The following MTF1 variants were observed in gnomAD, a reference collection of about 807,000 sequenced individuals.
MTF1 encodes metal regulatory transcription factor 1.
MTF1 carries 22 observed loss-of-function variants against 70.4 expected under a neutral mutation model. The observed-to-expected ratio is 0.31, with a 90% confidence interval of 0.22 to 0.45. The LOEUF is 0.45. MTF1 is among the 20% of genes least tolerant of loss of function. The probability of loss-of-function intolerance (pLI) is 1.00; values close to 1 mark genes in which losing one functional copy is unlikely to be tolerated. For missense variants in MTF1, 649 were observed against 922.0 expected, an observed-to-expected ratio of 0.70 and a Z score of 3.83; for synonymous variants, 333 against 352.8, an observed-to-expected ratio of 0.94 and a Z score of 0.63.
chr1:37,828,438 A>G (rs9286096), intron 7 of MTF1, among the ~76,000 whole-genome samples: 140,863 of 152,232 alleles, frequency 0.93, 66,126 homozygotes, highest in East Asian at 1. Flanking sequence ...CCGAGTAGCT[A>G]GGATTACAGG....
At chr1:37,836,248 A>G (rs553812206) in intron 4 of MTF1, among the ~76,000 whole-genome samples, 9 of 152,186 alleles carry the variant, frequency 5.9e-5, no homozygotes, top group Non-Finnish European at 1.3e-4. Flanking sequence ...AGAGCCCAGG[A>G]TAAGTATTTC....
chr1:37,830,028 T>C (rs1010383260), intron 7 of MTF1, among the ~76,000 whole-genome samples: 1 of 152,102 alleles, frequency 6.6e-6, no homozygotes, highest in Non-Finnish European at 1.5e-5. Flanking sequence ...CTGGTGACCC[T>C]AGGGCTCCAG....
At chr1:37,825,912 A>T (rs1033086975) in intron 7 of MTF1, among the ~76,000 whole-genome samples, 1 of 152,220 alleles carries the variant, frequency 6.6e-6, no homozygotes, top group Non-Finnish European at 1.5e-5. Flanking sequence ...TAAGGCTTCC[A>T]ATCACAGTAG....
At chr1:37,831,294 C>T (rs979668259) in intron 7 of MTF1, among the ~76,000 whole-genome samples, 8 of 152,174 alleles carry the variant, frequency 5.3e-5, no homozygotes, top group African/African-American at 9.7e-5. Context: ...TCAGATGCCA[C>T]GGTCAGACAA....
rs1641239195 is a variant in MTF1 at position 37,840,473 on chromosome 1, A to G, written c.409-315T>C. Reference sequence around the variant, plus strand: ...ACACTATACTGTTACAGCTACCTGTATTCAGATAAGATCTTAACTTTGTTT... The same window carrying G: ...ACACTATACTGTTACAGCTACCTGTGTTCAGATAAGATCTTAACTTTGTTT... On this transcript the variant is annotated intron_variant, in intron 2 of 10. Coordinates refer to ENST00000373036, the MANE Select transcript of MTF1 (RefSeq NM_005955.3). This position sits in a 1 kb window ranked among gnomAD's most constrained non-coding sequence, Gnocchi z 4.5. 2.0e-6 allele frequency: 1 copy of G among 489,276 alleles called. No individual in the cohort carries two copies. The highest frequency in any genetic ancestry group is 4.0e-6 in the Non-Finnish European group (1 of 249,372). The allele number at this position is 489,276 out of a possible 1,614,324, so 30.3% of individuals were successfully genotyped here.
rs372004085 is a variant in MTF1, at chr1:37,844,543, G to A, written c.409-4385C>T. Among the ~76,000 whole-genome samples the A allele has an allele frequency of 2.6e-5, 4 of 152,160 alleles. No homozygotes were observed. The East Asian group carries it at 7.7e-4, about 29-fold the overall frequency. ...CAAGACTAAAAACCTCCTTTGTGCT[G>A]CCAGATAGAGAATTGAAAATGATCA... is the stretch of plus-strand genomic sequence containing the variant. On this transcript the variant is annotated intron_variant, in intron 2 of 10. Coordinates refer to ENST00000373036, the MANE Select transcript of MTF1 (RefSeq NM_005955.3).
rs1569861506 is a variant in MTF1 at position 37,832,125 on chromosome 1, T to C, written c.1068+120A>G. The C allele has an allele frequency of 1.2e-5, 8 of 644,576 alleles. No individual in the cohort carries two copies. The East Asian group carries it at 2.2e-4, about 18-fold the overall frequency. The allele number at this position is 644,576 out of a possible 1,614,324, so 39.9% of individuals were successfully genotyped here. A position where few individuals can be genotyped will look rare whatever the true frequency, so the allele number is the denominator to read the frequency against. On this transcript the variant is annotated intron_variant, in intron 7 of 10. Coordinates refer to ENST00000373036, the MANE Select transcript of MTF1 (RefSeq NM_005955.3). ...AGAAGAAAAAATCCTACATGGTCAG[T>C]AATTAAACACAATTAAATTTAGAAA...
chr1:37,843,019 CTTTTTG>C (rs962656297), intron 2 of MTF1, among the ~76,000 whole-genome samples: 3 of 152,162 alleles, frequency 2.0e-5, no homozygotes, highest in East Asian at 3.9e-4. Flanking sequence ...TTGATAAAGT[CTTTTTG>C]TTTTTGTTTT....
intron 7 of MTF1, among the ~76,000 whole-genome samples, chr1:37,831,354 G>A (rs1303260657): frequency 6.6e-6 from 1 of 152,180 alleles, no homozygotes; most frequent in African/African-American, 2.4e-5. Context: ...AACTTCAGAA[G>A]TGCTGTAATT....
At chr1:37,837,534 C>G (rs1641188462) in intron 4 of MTF1, among the ~76,000 whole-genome samples, 1 of 151,728 alleles carries the variant, frequency 6.6e-6, no homozygotes, top group Admixed American at 6.6e-5. Context: ...GAGACAGAGT[C>G]TCACTCTGTC....
chr1:37,859,159 C>G (rs1488026116), intron 1 of MTF1, among the ~76,000 whole-genome samples: 1 of 152,156 alleles, frequency 6.6e-6, no homozygotes, highest in African/African-American at 2.4e-5. Context: ...TCGGCGGCAA[C>G]GCGGAGACCA....
chr1:37,844,532 TCCTTTGTG>T (rs1261199335), intron 2 of MTF1, among the ~76,000 whole-genome samples: 1 of 152,160 alleles, frequency 6.6e-6, no homozygotes, highest in Non-Finnish European at 1.5e-5. Context: ...ACTAAAAACC[TCCTTTGTG>T]CTGCCAGATA....
chr1:37,842,960 G>T (rs1361744993), intron 2 of MTF1, among the ~76,000 whole-genome samples: 4 of 152,182 alleles, frequency 2.6e-5, no homozygotes, highest in African/African-American at 9.7e-5. Flanking sequence ...AAGGTGAAGT[G>T]GAGGTAGAGG....
intron 2 of MTF1, among the ~76,000 whole-genome samples, chr1:37,845,401 C>A (rs1005793694): frequency 2.0e-5 from 3 of 152,032 alleles, no homozygotes; most frequent in African/African-American, 7.2e-5. Context: ...ATCAACTACA[C>A]TTTCCAGAAA....
At chr1:37,850,127 A>C (rs539798873) in intron 2 of MTF1, among the ~76,000 whole-genome samples, 8 of 150,170 alleles carry the variant, frequency 5.3e-5, no homozygotes, top group Non-Finnish European at 1.2e-4. Flanking sequence ...GGTCCCAGCT[A>C]CTGTGGAGGC....
rs1641517565 is a variant in MTF1, at chr1:37,857,577, T to A, written c.82A>T (p.Arg28Trp). ...DELTPDDKML[R>W]FVDKNGLVPS... The stretch of plus-strand genomic sequence containing the variant: ...ACCAGTCCGTTTTTATCCACAAACC[T>A]GAGCATTTTATCATCGGGGGTCAGC... Residue 28 changes from arginine to tryptophan, a missense_variant, in exon 2 of 11, where the codon AGG becomes TGG. Physicochemically the swap from Arg to Trp is moderately radical, Grantham distance 101 (BLOSUM62 -3). Around this residue, in one of 7 missense-constraint regions of MTF1, gnomAD observed 34 missense variants for 38.7 expected, o/e 0.88. Coordinates refer to ENST00000373036, the MANE Select transcript of MTF1 (RefSeq NM_005955.3). 3 of 1,614,222 alleles carry A rather than the reference T, an allele frequency of 1.9e-6. No homozygotes were observed. Among genetic ancestry groups the A allele is most frequent in the Non-Finnish European group, 2.5e-6 (3 of 1,180,034 alleles).
At chr1:37,828,306 T>G (rs760644003) in intron 7 of MTF1, 4 of 387,988 alleles carry the variant, frequency 1.0e-5, no homozygotes, top group African/African-American at 6.5e-5. Context: ...TTATTTTGTT[T>G]GTTTTCTTTT....
At chr1:37,849,243 T>G (rs780843535) in intron 2 of MTF1, among the ~76,000 whole-genome samples, 3 of 152,070 alleles carry the variant, frequency 2.0e-5, no homozygotes, top group Non-Finnish European at 4.4e-5. Flanking sequence ...CTGACCAATA[T>G]GGTGAAACCC....
chr1:37,826,429 C>T (rs1055242095), intron 7 of MTF1: 16 of 354,348 alleles, frequency 4.5e-5, no homozygotes, highest in South Asian at 2.5e-4. Flanking sequence ...TACAGGCGCA[C>T]GCCACCATGC....
Sources: allele counts gnomAD v4.1 joint callset (sites outside exome capture counted in the v4.1 genomes callset), GRCh38; gene constraint gnomAD v4.1.1; regional missense constraint gnomAD v4.1.1; non-coding constraint Gnocchi (gnomAD v3.1); transcripts MANE v1.5; gene names NCBI Gene and HGNC (gene_info 2026-07-23, HGNC 2026-07-21).